The following FAT3 variants were observed in gnomAD, a reference collection of about 807,000 sequenced individuals.
FAT3 encodes FAT atypical cadherin 3, also known as protocadherin Fat 3.
In FAT3, 95 loss-of-function variants were observed where a neutral mutation model predicts 310.2. The observed-to-expected ratio is 0.31, with a 90% CI of 0.26 to 0.36. The LOEUF (loss-of-function observed/expected upper bound fraction) is 0.36. Ranked by LOEUF, FAT3 falls within the 10% of genes least tolerant of loss-of-function variation. The probability of loss-of-function intolerance (pLI) is 1.00; values close to 1 mark genes in which losing one functional copy is unlikely to be tolerated. For missense variants in FAT3, 5,408 were observed against 5,715.6 expected, an observed-to-expected ratio of 0.95 and a Z score of 1.74; for synonymous variants, 2,314 against 2,192.9, an observed-to-expected ratio of 1.06 and a Z score of -1.54.
intron 22 of FAT3, among the ~76,000 whole-genome samples, chr11:92,869,905 C>T (rs1448945695): frequency 2.0e-5 from 3 of 152,098 alleles, no homozygotes; most frequent in Non-Finnish European, 2.9e-5. Flanking sequence ...GACTAGGCTG[C>T]GTGAAGTGTT....
intron 3 of FAT3, among the ~76,000 whole-genome samples, chr11:92,579,614 C>T (rs73552379): frequency 0.014 from 2,112 of 152,124 alleles, 58 homozygotes; most frequent in African/African-American, 0.049. Flanking sequence ...CCTAGAAGGG[C>T]TCCTTTATTT....
At chr11:92,452,784 A>T (rs538673469) in intron 2 of FAT3, among the ~76,000 whole-genome samples, 1 of 152,188 alleles carries the variant, frequency 6.6e-6, no homozygotes, top group South Asian at 2.1e-4. Context: ...ATTTTTTGAG[A>T]CAGTGTCTTG....
At chr11:92,685,797 A>G (rs909953049) in intron 3 of FAT3, among the ~76,000 whole-genome samples, 1 of 152,100 alleles carries the variant, frequency 6.6e-6, no homozygotes, top group East Asian at 1.9e-4. Context: ...GACAGAAAAA[A>G]ACATGTAAAC....
chr11:92,664,873 C>T (rs946616167), intron 3 of FAT3, among the ~76,000 whole-genome samples: 10 of 152,118 alleles, frequency 6.6e-5, no homozygotes, highest in Non-Finnish European at 1.2e-4. Flanking sequence ...TCTTCCCATC[C>T]CCACTCCCAA....
intron 7 of FAT3, among the ~76,000 whole-genome samples, chr11:92,788,035 A>T (rs1420366333): frequency 6.6e-6 from 1 of 152,190 alleles, no homozygotes; most frequent in South Asian, 2.1e-4. Context: ...TAGCCAATCC[A>T]GTAGCAATAA....
At position 92,443,096 on chromosome 11, in the gene FAT3, CAA is replaced by C. The variant is rs1321726974; in HGVS notation, c.3293-81537_3293-81536del. Among the ~76,000 whole-genome samples the C allele has an allele frequency of 2.0e-5, 3 of 152,074 alleles. No homozygotes were observed. In the East Asian group the frequency reaches 5.8e-4, roughly 29 times the overall value. On this transcript the variant is annotated intron_variant, in intron 2 of 27. Transcript: ENST00000525166. ...AACATAACTATTTCAAATGTCTAGT[CAA>C]GAGATATTTTCGTGCCTTATACTTT... is the stretch of plus-strand genomic sequence containing the variant.
intron 1 of FAT3, chr11:92,314,274 C>G (rs897722878): frequency 2.2e-5 from 22 of 982,254 alleles, no homozygotes; most frequent in Non-Finnish European, 2.7e-5. Flanking sequence ...TTAACAGATT[C>G]TAAGGTTCAG....
intron 4 of FAT3, among the ~76,000 whole-genome samples, chr11:92,716,232 A>G (rs934242994): frequency 1.3e-5 from 2 of 152,112 alleles, no homozygotes; most frequent in African/African-American, 4.8e-5. Context: ...GAAGGAAGGA[A>G]CAAGGATAGT....
chr11:92,461,991 C>A (rs1036874683), intron 2 of FAT3, among the ~76,000 whole-genome samples: 1 of 152,090 alleles, frequency 6.6e-6, no homozygotes, highest in Admixed American at 6.6e-5. Context: ...GAAAGCTCTT[C>A]GCAGTATCCA....
intron 4 of FAT3, chr11:92,748,742 A>G (rs1565562493): frequency 6.6e-6 from 1 of 152,338 alleles, no homozygotes; most frequent in East Asian, 1.9e-4. Context: ...CATAGGTCAA[A>G]TAAGAGAAAC....
intron 2 of FAT3, among the ~76,000 whole-genome samples, chr11:92,412,734 T>TATATATATACACAC (rs1565296392): frequency 7.0e-3 from 83 of 11,864 alleles, no homozygotes; most frequent in Non-Finnish European, 8.7e-3. Flanking sequence ...TATATATATA[T>TATATATATACACAC]ATATATATAT....
At chr11:92,703,916 G>A (rs918568035) in intron 4 of FAT3, among the ~76,000 whole-genome samples, 28 of 152,238 alleles carry the variant, frequency 1.8e-4, no homozygotes, top group African/African-American at 5.1e-4. Context: ...TTATTAATTC[G>A]TATATTCCTA....
intron 3 of FAT3, among the ~76,000 whole-genome samples, chr11:92,622,669 C>T (rs2135673068): frequency 6.6e-6 from 1 of 152,232 alleles, no homozygotes; most frequent in South Asian, 2.1e-4. Flanking sequence ...GTTTTCATGA[C>T]ATTTTAGGAA....
Position 92,894,430 on chromosome 11 carries a change from GA to G in FAT3, c.*3319del, listed in dbSNP as rs1949982229. ...TTTGTCCTACCCCCTCCACCATGAT[GA>G]ACCATGTGGAAACTATTTAAATCAA... On this transcript the variant is annotated 3_prime_UTR_variant, in exon 28 of 28. Coordinates refer to ENST00000525166, the MANE Select transcript of FAT3 (RefSeq NM_001367949.2). 1 of 152,090 alleles carries G rather than the reference GA, an allele frequency of 6.6e-6. No homozygotes were observed. Among genetic ancestry groups the G allele is most frequent in the Non-Finnish European group, 1.5e-5 (1 of 68,022 alleles). The allele number at this position is 152,090 out of a possible 1,614,324, so 9.4% of individuals were successfully genotyped here. A position where few individuals can be genotyped will look rare whatever the true frequency, so the allele number is the denominator to read the frequency against.
chr11:92,534,276 T>TG lies in FAT3; in HGVS notation c.3607+9336dup, dbSNP rs35131807. Among the ~76,000 whole-genome samples the TG allele has an allele frequency of 2.9e-3, 441 of 151,332 alleles. 4 individuals carry two copies. Among genetic ancestry groups the TG allele is most frequent in the East Asian group, 0.02 (101 of 5,132 alleles). ...GCTCATTCAGCAATAACCACAGTCC[T>TG]GGGGGGGGAGGGGAACAAAACTCTG... is the stretch of plus-strand genomic sequence containing the variant. On this transcript the variant is annotated intron_variant, in intron 3 of 27. Transcript: ENST00000525166.
chr11:92,293,080 AGAAG>A (rs1555002638), intron 1 of FAT3, among the ~76,000 whole-genome samples: 2 of 76,632 alleles, frequency 2.6e-5, no homozygotes, highest in South Asian at 4.0e-4. Context: ...AAGGAAGGAA[AGAAG>A]GAAGGAAGGA....
intron 25 of FAT3, 118 bp from the exon 26 acceptor site, chr11:92,889,071 G>T: frequency 1.8e-6 from 1 of 540,644 alleles, no homozygotes; most frequent in Non-Finnish European, 3.3e-6. Context: ...TTGGGTGTTT[G>T]CATGCCGCAC....
At chr11:92,233,241 T>C (rs1321118336) in intron 1 of FAT3, among the ~76,000 whole-genome samples, 2 of 152,226 alleles carry the variant, frequency 1.3e-5, no homozygotes, top group Non-Finnish European at 2.9e-5. Flanking sequence ...CTGGTACTAA[T>C]GTGAACAGCT....
intron 4 of FAT3, among the ~76,000 whole-genome samples, chr11:92,697,792 G>A (rs545549): frequency 2.6e-5 from 4 of 152,140 alleles, no homozygotes; most frequent in Admixed American, 2.6e-4. Context: ...GAGAAAGAGC[G>A]TCAGTGTACC....
Sources: allele counts gnomAD v4.1 joint callset (sites outside exome capture counted in the v4.1 genomes callset), GRCh38; gene constraint gnomAD v4.1.1; transcripts MANE v1.5; gene names NCBI Gene and HGNC (gene_info 2026-07-23, HGNC 2026-07-21).